EBF1: variants seen among roughly 807,000 people sequenced by gnomAD.
The protein encoded by EBF1 is transcription factor COE1.
Under a neutral mutation model 68.4 loss-of-function variants are expected in EBF1, and 10 were observed. The observed-to-expected ratio is 0.15, with a 90% CI of 0.09 to 0.25. The LOEUF is 0.25. Among genes scored for constraint, EBF1 ranks in the 10% least tolerant of loss-of-function variants. EBF1 has a pLI of 1.00. For synonymous variants in EBF1, 298 were observed against 299.8 expected, an observed-to-expected ratio of 0.99 and a Z score of 0.06; for missense variants, 509 against 794.4, an observed-to-expected ratio of 0.64 and a Z score of 4.32.
chr5:158,777,339 A>T, intron 10 of EBF1, 74 bp downstream of exon 10: 3 of 1,421,780 alleles, frequency 2.1e-6, no homozygotes, highest in Non-Finnish European at 2.8e-6. Flanking sequence ...ACATGCTTTT[A>T]TACAGACAAG....
At position 158,909,956 on chromosome 5, in the gene EBF1, T is replaced by TTAA. The variant is rs772406186; in HGVS notation, c.555-69847_555-69846insTTA. ...TGGTGACAGAACGAGACTCTGTCTATAAAAAAAAAAAAAAAAAAAAAAAAA... is the reference window on the plus strand; with the variant it reads ...TGGTGACAGAACGAGACTCTGTCTATTAAAAAAAAAAAAAAAAAAAAAAAAAAA... On this transcript the variant is annotated intron_variant, in intron 6 of 15. Transcript: ENST00000313708. 2.6e-3 allele frequency among the ~76,000 whole-genome samples: 122 copies of TTAA among 46,728 alleles called. 3 individuals are homozygous for TTAA. Among genetic ancestry groups the TTAA allele is most frequent in the African/African-American group, 8.5e-3 (116 of 13,610 alleles). 30.7% of individuals were successfully genotyped at this position (46,728 alleles called of 152,430 possible). A position where few individuals can be genotyped will look rare whatever the true frequency, so the allele number is the denominator to read the frequency against.
intron 9 of EBF1, among the ~76,000 whole-genome samples, chr5:158,777,756 C>T (rs1249378980): frequency 6.6e-6 from 1 of 152,178 alleles, no homozygotes; most frequent in Admixed American, 6.5e-5. Context: ...TCCTACATGG[C>T]AGGCCCTCTG....
At chr5:158,758,506 C>T (rs1195699518) in intron 10 of EBF1, among the ~76,000 whole-genome samples, 6 of 152,022 alleles carry the variant, frequency 3.9e-5, no homozygotes, top group African/African-American at 1.4e-4. Flanking sequence ...TGTTTTAGGA[C>T]AATTCAAATG....
intron 6 of EBF1, among the ~76,000 whole-genome samples, chr5:159,022,506 G>A (rs965693882): frequency 6.6e-6 from 1 of 152,178 alleles, no homozygotes; most frequent in African/African-American, 2.4e-5. Context: ...CACACTGCCA[G>A]CTTGCCTCTA....
intron 5 of EBF1, among the ~76,000 whole-genome samples, chr5:159,079,673 G>A (rs886172294): frequency 6.9e-5 from 10 of 144,998 alleles, no homozygotes; most frequent in Non-Finnish European, 1.5e-4. Context: ...GTGCAGTGGC[G>A]CAATCTCTGC....
chr5:158,995,029 T>A (rs1761127048), intron 6 of EBF1, among the ~76,000 whole-genome samples: 1 of 152,200 alleles, frequency 6.6e-6, no homozygotes, highest in Non-Finnish European at 1.5e-5. Context: ...GCCAGGGCCT[T>A]CTAATTGGTT....
At chr5:158,798,641 C>T (rs1308155291) in intron 8 of EBF1, among the ~76,000 whole-genome samples, 1 of 152,154 alleles carries the variant, frequency 6.6e-6, no homozygotes, top group East Asian at 1.9e-4. Context: ...GGTGTACATG[C>T]ATGCGTGTGT....
chr5:158,755,240 A>G (rs920139501), intron 10 of EBF1, among the ~76,000 whole-genome samples: 1 of 151,984 alleles, frequency 6.6e-6, no homozygotes, highest in African/African-American at 2.4e-5. Context: ...AGTAATTAGG[A>G]AAAAAGTAGA....
chr5:158,819,350 T>A (rs1158485799), intron 8 of EBF1, among the ~76,000 whole-genome samples: 1 of 152,220 alleles, frequency 6.6e-6, no homozygotes, highest in Non-Finnish European at 1.5e-5. Flanking sequence ...CACTTTGCCT[T>A]GTTGCATATT....
rs1774981207 is a variant in EBF1 at position 159,057,433 on chromosome 5, T to G, written c.554+15963A>C. Among the ~76,000 whole-genome samples, 3 of 152,276 alleles carry G rather than the reference T, an allele frequency of 2.0e-5. No homozygotes were observed. In the East Asian group the frequency reaches 5.8e-4, roughly 29 times the overall value. On this transcript the variant is annotated intron_variant, in intron 6 of 15. Coordinates refer to ENST00000313708, the MANE Select transcript of EBF1 (RefSeq NM_024007.5). ...GACTGTTATAATTTCTGAGAAACAATTTAACTTGTGCTCCGTGCACAATGC... is the reference window on the plus strand; with the variant it reads ...GACTGTTATAATTTCTGAGAAACAAGTTAACTTGTGCTCCGTGCACAATGC...
intron 6 of EBF1, among the ~76,000 whole-genome samples, chr5:159,000,560 A>G (rs1762334128): frequency 6.6e-6 from 1 of 152,234 alleles, no homozygotes; most frequent in Admixed American, 6.5e-5. Context: ...TAAGACTGTC[A>G]CTTCAAAGAA....
intron 6 of EBF1, among the ~76,000 whole-genome samples, chr5:158,855,434 T>C (rs563333642): frequency 6.6e-6 from 1 of 152,326 alleles, no homozygotes; most frequent in South Asian, 2.1e-4. Flanking sequence ...AGCTGATTAG[T>C]GGCAGCCTCT....
At position 158,969,919 on chromosome 5, in the gene EBF1, A is replaced by AGAAAGAAAGAAG. The variant is rs199980397; in HGVS notation, c.554+103476_554+103477insCTTCTTTCTTTC. ...AAGAAAGAAAGAAAGAAAGAAAGAA[A>AGAAAGAAAGAAG]AAAAAAAAAAAGGCTGCTGGAAGTT... On this transcript the variant is annotated intron_variant, in intron 6 of 15. Transcript: ENST00000313708. Among the ~76,000 whole-genome samples, 108 of 60,214 alleles carry AGAAAGAAAGAAG rather than the reference A, an allele frequency of 1.8e-3. 4 individuals carry two copies. The highest frequency in any genetic ancestry group is 2.0e-3 in the Admixed American group (12 of 5,854). 39.5% of individuals were successfully genotyped at this position (60,214 alleles called of 152,430 possible). A position where few individuals can be genotyped will look rare whatever the true frequency, so the allele number is the denominator to read the frequency against.
At chr5:159,032,599 G>A (rs961311711) in intron 6 of EBF1, among the ~76,000 whole-genome samples, 1 of 152,128 alleles carries the variant, frequency 6.6e-6, no homozygotes, top group Non-Finnish European at 1.5e-5. Flanking sequence ...CAGATTCCGG[G>A]TTACATTATA....
At chr5:158,857,277 C>A (rs897034815) in intron 6 of EBF1, among the ~76,000 whole-genome samples, 1 of 151,962 alleles carries the variant, frequency 6.6e-6, no homozygotes, top group African/African-American at 2.4e-5. Context: ...AACACATAAT[C>A]CCATCCATCA....
intron 6 of EBF1, among the ~76,000 whole-genome samples, chr5:159,070,600 C>T (rs1443812861): frequency 6.6e-6 from 1 of 152,136 alleles, no homozygotes; most frequent in East Asian, 1.9e-4. Flanking sequence ...GAATAAACCA[C>T]TGCTAAAAGT....
chr5:158,764,855 C>G lies in EBF1; in HGVS notation c.1036+12558G>C, dbSNP rs535915356. ...GAGGATACAGATCTGATATCAGACC[C>G]ATCACTAGATGGCTTAAATGACCAT... is the stretch of plus-strand genomic sequence containing the variant. On this transcript the variant is annotated intron_variant, in intron 10 of 15. Coordinates refer to ENST00000313708, the MANE Select transcript of EBF1 (RefSeq NM_024007.5). Among the ~76,000 whole-genome samples the G allele has an allele frequency of 1.2e-4, 18 of 152,228 alleles. No homozygotes were observed. The East Asian group carries it at 3.3e-3, about 28-fold the overall frequency.
At chr5:158,946,806 G>T (rs1583386243) in intron 6 of EBF1, among the ~76,000 whole-genome samples, 1 of 152,220 alleles carries the variant, frequency 6.6e-6, no homozygotes, top group East Asian at 1.9e-4. Flanking sequence ...TCACCAAGGT[G>T]CTCTGTCCCA....
chr5:158,759,090 C>T (rs543852290), intron 10 of EBF1, among the ~76,000 whole-genome samples: 4 of 152,322 alleles, frequency 2.6e-5, no homozygotes, highest in South Asian at 2.1e-4. Context: ...ACTTCACCAA[C>T]GTCTCCATTA....
Sources: gnomAD v4.1 joint callset for allele counts (sites outside exome capture counted in the v4.1 genomes callset) on GRCh38, gnomAD v4.1.1 for gene constraint, MANE v1.5 for transcripts, NCBI Gene and HGNC (gene_info 2026-07-23, HGNC 2026-07-21) for gene names.